The following PYGO1 variants were observed in gnomAD, a reference collection of about 807,000 sequenced individuals.
PYGO1 encodes the protein pygopus family PHD finger 1.
A neutral mutation model predicts 29.5 loss-of-function variants in PYGO1; 6 were observed. That is an observed-to-expected ratio of 0.20 (90% CI 0.11 to 0.40). The LOEUF (loss-of-function observed/expected upper bound fraction) is 0.40. Ranked by LOEUF, PYGO1 falls within the 10% of genes least tolerant of loss-of-function variation. The probability of loss-of-function intolerance (pLI) is 1.00; values close to 1 mark genes in which losing one functional copy is unlikely to be tolerated. For synonymous variants in PYGO1, 186 were observed against 180.5 expected, an observed-to-expected ratio of 1.03 and a Z score of -0.24; for missense variants, 515 against 514.9, an observed-to-expected ratio of 1.00 and a Z score of 0.00.
chr15:55,574,666 G>A (rs2058993935), intron 1 of PYGO1, among the ~76,000 whole-genome samples: 1 of 148,810 alleles, frequency 6.7e-6, no homozygotes, highest in African/African-American at 2.5e-5. Context: ...GTGTGTGTGT[G>A]TGTGTGTATG....
rs1172696458 is a variant in PYGO1 at position 55,587,963 on chromosome 15, C to G, written c.-80G>C. The G allele has an allele frequency of 1.4e-6, 2 of 1,429,316 alleles. No homozygotes were observed. Among genetic ancestry groups the G allele is most frequent in the Non-Finnish European group, 1.8e-6 (2 of 1,085,826 alleles). 88.5% of individuals were successfully genotyped at this position (1,429,316 alleles called of 1,614,324 possible). Reference sequence around the variant, plus strand: ...TGCTGCGGCGGCGGCTCCTCCTCCTCGCGGGGCCGCTGCGGCTGCGAGGCA... The same window carrying G: ...TGCTGCGGCGGCGGCTCCTCCTCCTGGCGGGGCCGCTGCGGCTGCGAGGCA... On this transcript the variant is annotated 5_prime_UTR_variant, in exon 1 of 3. Coordinates refer to ENST00000563719, the MANE Select transcript of PYGO1 (RefSeq NM_001367806.1).
rs529153585 is a variant in PYGO1 at position 55,558,653 on chromosome 15, T to C, written c.50-9658A>G. On this transcript the variant is annotated intron_variant, in intron 1 of 2. Coordinates refer to ENST00000563719, the MANE Select transcript of PYGO1 (RefSeq NM_001367806.1). ...TGGTACTGGTACCAAAACAGAGATA[T>C]AGACCAATGGAACAGAACAGAGCCA... Among the ~76,000 whole-genome samples the C allele has an allele frequency of 3.3e-5, 5 of 152,026 alleles. No individual in the cohort carries two copies. In the East Asian group the frequency reaches 5.8e-4, roughly 18 times the overall value.
chr15:55,569,285 T>C (rs897572128), intron 1 of PYGO1, among the ~76,000 whole-genome samples: 3 of 152,218 alleles, frequency 2.0e-5, no homozygotes, highest in African/African-American at 7.2e-5. Context: ...CAATTTGTTA[T>C]ATTCAGCTCT....
intron 1 of PYGO1, among the ~76,000 whole-genome samples, chr15:55,557,381 C>T (rs2141655475): frequency 6.6e-6 from 1 of 152,242 alleles, no homozygotes; most frequent in South Asian, 2.1e-4. Flanking sequence ...AGTCCAGGAC[C>T]AGACGGATTC....
At chr15:55,583,017 G>A (rs1477484090) in intron 1 of PYGO1, among the ~76,000 whole-genome samples, 1 of 151,926 alleles carries the variant, frequency 6.6e-6, no homozygotes, top group Non-Finnish European at 1.5e-5. Flanking sequence ...TCCCTTCTAT[G>A]TTATTTCTAA....
At chr15:55,586,059 T>C (rs2059044988) in intron 1 of PYGO1, among the ~76,000 whole-genome samples, 1 of 152,232 alleles carries the variant, frequency 6.6e-6, no homozygotes, top group Non-Finnish European at 1.5e-5. Context: ...CTTGAGTGGA[T>C]GTCTTTTGGA....
intron 1 of PYGO1, among the ~76,000 whole-genome samples, chr15:55,555,628 C>T (rs1447412856): frequency 6.6e-6 from 1 of 151,656 alleles, no homozygotes; most frequent in African/African-American, 2.4e-5. Flanking sequence ...ACATATGTAA[C>T]AAACCTGCAC....
In PYGO1 at chr15:55,559,799, G is replaced by A. The variant is rs554736163; in HGVS notation, c.50-10804C>T. Among the ~76,000 whole-genome samples, 5 of 152,184 alleles carry A rather than the reference G, an allele frequency of 3.3e-5. No individual in the cohort carries two copies. In the South Asian group the frequency reaches 8.3e-4, roughly 25 times the overall value. On this transcript the variant is annotated intron_variant, in intron 1 of 2. Coordinates refer to ENST00000563719, the MANE Select transcript of PYGO1 (RefSeq NM_001367806.1). Reference sequence around the variant, plus strand: ...ATGTAAAAACCCTCAATAAAATACTGGCAAACCAAATCCAGCAGCACATCA... The same window carrying A: ...ATGTAAAAACCCTCAATAAAATACTAGCAAACCAAATCCAGCAGCACATCA...
intron 1 of PYGO1, among the ~76,000 whole-genome samples, chr15:55,568,024 T>C (rs191611290): frequency 3.1e-4 from 47 of 152,340 alleles, no homozygotes; most frequent in African/African-American, 1.1e-3. Flanking sequence ...CCTCCAACTT[T>C]GTTCTTTTTG....
intron 1 of PYGO1, among the ~76,000 whole-genome samples, chr15:55,569,770 G>T (rs908955105): frequency 2.6e-5 from 4 of 152,184 alleles, no homozygotes; most frequent in Admixed American, 1.3e-4. Flanking sequence ...TATATTCTGT[G>T]GTTGATGGAT....
At chr15:55,588,611 A>C (rs1404218931), upstream of PYGO1, among the ~76,000 whole-genome samples, 6 of 149,354 alleles carry the variant, frequency 4.0e-5, no homozygotes, top group Non-Finnish European at 7.5e-5. Flanking sequence ...CCGGGTGGGC[A>C]GCGCGCGCCT....
rs1365331808 is a variant in PYGO1 at position 55,544,284 on chromosome 15, A to C, written c.*1739T>G. On this transcript the variant is annotated 3_prime_UTR_variant, in exon 3 of 3. Coordinates refer to ENST00000563719, the MANE Select transcript of PYGO1 (RefSeq NM_001367806.1). ...AATAGTTTTCTTCCAACAGAATATT[A>C]AAGGTCTAACTTTTATAAAATTCAT... 2 of 152,234 alleles carry C rather than the reference A, an allele frequency of 1.3e-5. No individual in the cohort carries two copies. Among genetic ancestry groups the C allele is most frequent in the Non-Finnish European group, 2.9e-5 (2 of 68,028 alleles). 9.4% of individuals were successfully genotyped at this position (152,234 alleles called of 1,614,324 possible). A position where few individuals can be genotyped will look rare whatever the true frequency, so the allele number is the denominator to read the frequency against.
upstream of PYGO1, chr15:55,588,696 C>G: frequency 8.0e-7 from 1 of 1,257,582 alleles, no homozygotes; most frequent in Non-Finnish European, 1.1e-6. Context: ...CCGCGGCCGA[C>G]GCTACCGGGC....
upstream of PYGO1, among the ~76,000 whole-genome samples, chr15:55,588,593 C>G (rs1169417951): frequency 6.7e-6 from 1 of 148,716 alleles, no homozygotes; most frequent in East Asian, 2.0e-4. Flanking sequence ...GCCCGCGGCT[C>G]TTGCAGCCCG....
Position 55,544,790 on chromosome 15 carries a change from T to A in PYGO1, c.*1233A>T, listed in dbSNP as rs2058842379. The A allele has an allele frequency of 6.6e-6, 1 of 152,140 alleles. No individual in the cohort carries two copies. Among genetic ancestry groups the A allele is most frequent in the Non-Finnish European group, 1.5e-5 (1 of 68,036 alleles). 9.4% of individuals were successfully genotyped at this position (152,140 alleles called of 1,614,324 possible). On this transcript the variant is annotated 3_prime_UTR_variant, in exon 3 of 3. Transcript: ENST00000563719. ...AGCTGTCAAACAGCACACATTTTTTTTTTTTGGCCACAGGTTATAATCTGC... is the reference window on the plus strand; with the variant it reads ...AGCTGTCAAACAGCACACATTTTTTATTTTTGGCCACAGGTTATAATCTGC...
chr15:55,566,422 T>A (rs568128242), intron 1 of PYGO1, among the ~76,000 whole-genome samples: 2 of 151,844 alleles, frequency 1.3e-5, no homozygotes, highest in East Asian at 3.9e-4. Flanking sequence ...TTTTTTTTTA[T>A]GGTTGTTTAT....
intron 1 of PYGO1, among the ~76,000 whole-genome samples, chr15:55,562,576 C>T (rs758059938): frequency 5.9e-5 from 9 of 151,714 alleles, no homozygotes; most frequent in African/African-American, 1.2e-4. Flanking sequence ...GAGGCTGAGG[C>T]GGAAGAATCA....
chr15:55,584,599 A>T (rs1289384449), intron 1 of PYGO1, among the ~76,000 whole-genome samples: 2 of 152,182 alleles, frequency 1.3e-5, no homozygotes, highest in Admixed American at 1.3e-4. Flanking sequence ...GGGCAAGTAA[A>T]AGTAGTATGA....
intron 1 of PYGO1, among the ~76,000 whole-genome samples, chr15:55,562,503 C>T (rs2058937133): frequency 6.6e-6 from 1 of 152,110 alleles, no homozygotes; most frequent in South Asian, 2.1e-4. Flanking sequence ...GAAACCCTGT[C>T]TTTACAAAAA....
Sources: allele counts gnomAD v4.1 joint callset (sites outside exome capture counted in the v4.1 genomes callset), GRCh38; gene constraint gnomAD v4.1.1; transcripts MANE v1.5; gene names NCBI Gene and HGNC (gene_info 2026-07-23, HGNC 2026-07-21).